Variants in ZKSCAN7 observed in about 807,000 individuals in gnomAD.
ZKSCAN7 encodes the protein zinc finger protein with KRAB and SCAN domains 7.
In ZKSCAN7, 38 loss-of-function variants were observed where a neutral mutation model predicts 65.3. The observed-to-expected ratio is 0.58, with a 90% CI of 0.45 to 0.76. The LOEUF is 0.76. Among genes scored for constraint, ZKSCAN7 ranks in the 30% least tolerant of loss-of-function variants. ZKSCAN7 has a pLI of 0.00. For missense variants in ZKSCAN7, 815 were observed against 913.3 expected (o/e 0.89, Z 1.39); for synonymous variants, 321 against 321.0 (o/e 1.00, Z 0.00).
chr3:44,555,916 T>G (rs1421819649), intron 1 of ZKSCAN7, among the ~76,000 whole-genome samples: 2 of 152,232 alleles, frequency 1.3e-5, no homozygotes, highest in African/African-American at 4.8e-5. Flanking sequence ...TTCCCAATTA[T>G]GTGTGCCATG....
chr3:44,571,634 T>G lies in ZKSCAN7; in HGVS notation c.*259T>G. ...CTTTTAAATTTTAACTTTTAAAATC[T>G]ATTTCATTTCTTAGTTATGCATCTC... On this transcript the variant is annotated 3_prime_UTR_variant, in exon 6 of 6. Coordinates refer to ENST00000426540, the MANE Select transcript of ZKSCAN7 (RefSeq NM_001288590.2). The G allele has an allele frequency of 7.6e-7, 1 of 1,318,588 alleles. No individual in the cohort carries two copies. Among genetic ancestry groups the G allele is most frequent in the South Asian group, 1.9e-5 (1 of 51,800 alleles). 81.7% of individuals were successfully genotyped at this position (1,318,588 alleles called of 1,614,324 possible). A position where few individuals can be genotyped will look rare whatever the true frequency, so the allele number is the denominator to read the frequency against.
At chr3:44,558,662 G>A (rs1011664002) in intron 2 of ZKSCAN7, among the ~76,000 whole-genome samples, 2 of 152,144 alleles carry the variant, frequency 1.3e-5, no homozygotes, top group Non-Finnish European at 2.9e-5. Context: ...ACAAGCTGAA[G>A]CTGCAGTGCA....
downstream of ZKSCAN7, among the ~76,000 whole-genome samples, chr3:44,574,138 G>A (rs1699879479): frequency 6.6e-6 from 1 of 152,036 alleles, no homozygotes; most frequent in South Asian, 2.1e-4. Context: ...TGGAGACAGG[G>A]TCTCACTTTC....
At chr3:44,567,456 A>G (rs1195755140) in intron 3 of ZKSCAN7, among the ~76,000 whole-genome samples, 2 of 152,188 alleles carry the variant, frequency 1.3e-5, no homozygotes, top group African/African-American at 4.8e-5. Context: ...GGGGTCTAGG[A>G]GAGAAGTAAG....
At chr3:44,569,845 A>T in intron 5 of ZKSCAN7, 77 bp from the exon 6 acceptor site, 1 of 1,455,930 alleles carries the variant, frequency 6.9e-7, no homozygotes, top group African/African-American at 1.4e-5. Flanking sequence ...TTTTTCAGGT[A>T]TGTTAGCTCT....
chr3:44,571,439 C>T lies in ZKSCAN7; in HGVS notation c.*64C>T, dbSNP rs1490266281. 1 of 1,603,696 alleles carries T rather than the reference C, an allele frequency of 6.2e-7. No individual in the cohort carries two copies. The highest frequency in any genetic ancestry group is 2.2e-5 in the East Asian group (1 of 44,868). On this transcript the variant is annotated 3_prime_UTR_variant, in exon 6 of 6. Transcript: ENST00000426540. ...TTAAGCTGTCTTTATAAGCAGGATG[C>T]TCATAGTGGTTTCCCGGAGCCAGTA...
chr3:44,562,015 T>G (rs1195561190), intron 2 of ZKSCAN7, among the ~76,000 whole-genome samples: 2 of 152,224 alleles, frequency 1.3e-5, no homozygotes, highest in African/African-American at 2.4e-5. Context: ...CAAGACTGTG[T>G]GGGGGCTCCA....
At chr3:44,564,234 C>G (rs1334350632) in intron 2 of ZKSCAN7, among the ~76,000 whole-genome samples, 1 of 152,150 alleles carries the variant, frequency 6.6e-6, no homozygotes, top group African/African-American at 2.4e-5. Context: ...AATAAAATGT[C>G]TATGTTCTGA....
rs746259717 is a variant in ZKSCAN7, at chr3:44,570,312, A to T, written c.1202A>T (p.His401Leu). ...AFNRSSHLIGHQRIHTGEKPY... is the reference protein window; with the variant it reads ...AFNRSSHLIGLQRIHTGEKPY... ...AATCGGAGTTCTCACCTTATTGGCC[A>T]TCAGAGAATCCACACTGGAGAGAAA... The change falls in exon 6 of 6, where the codon CAT becomes CTT. Residue 401 changes from histidine to leucine, a missense_variant. By Grantham distance (99) the His-to-Leu change is moderately conservative. This residue lies in a region of ZKSCAN7 where 578 missense variants were observed against 629.5 expected (regional missense o/e 0.92). Coordinates refer to ENST00000426540, the MANE Select transcript of ZKSCAN7 (RefSeq NM_001288590.2). 1.2e-6 allele frequency: 2 copies of T among 1,614,230 alleles called. No homozygotes were observed. The highest frequency in any genetic ancestry group is 2.2e-5 in the South Asian group (2 of 91,086).
downstream of ZKSCAN7, among the ~76,000 whole-genome samples, chr3:44,574,778 A>G (rs1699891034): frequency 6.6e-6 from 1 of 151,782 alleles, no homozygotes; most frequent in Admixed American, 6.6e-5. Context: ...AAAAATATAA[A>G]AATTGGCCAG....
rs144800158 is a variant in ZKSCAN7, at chr3:44,570,794, C to T, written c.1684C>T (p.Arg562Trp). Residue 562 changes from arginine (R) to tryptophan (W), a missense_variant, in exon 6 of 6, where the codon CGG becomes TGG. By Grantham distance (101) the Arg-to-Trp change is moderately radical. Transcript: ENST00000426540. ...TAGTGAATGTGGCAAAGCCTTCAGT[C>T]GGAGTAAATGTCTTATTCGACATCA... ...ECSECGKAFS[R>W]SKCLIRHQSL... The T allele has an allele frequency of 3.9e-4, 636 of 1,614,024 alleles. No individual in the cohort carries two copies. The highest frequency in any genetic ancestry group is 4.7e-4 in the Non-Finnish European group (549 of 1,180,042).
chr3:44,558,174 GGT>G (rs113889875), intron 2 of ZKSCAN7, among the ~76,000 whole-genome samples: 244 of 148,108 alleles, frequency 1.6e-3, no homozygotes, highest in African/African-American at 2.5e-3. Flanking sequence ...AGGAGAGAGG[GGT>G]GTGTGTGTGT....
rs954073881 is a variant in ZKSCAN7 at position 44,579,958 on chromosome 3, C to T, written c.812-3014C>T. 77 of 1,492,760 alleles carry T rather than the reference C, an allele frequency of 5.2e-5. No individual in the cohort carries two copies. In the East Asian group the frequency reaches 1.2e-3, roughly 23 times the overall value. The allele number at this position is 1,492,760 out of a possible 1,614,324, so 92.5% of individuals were successfully genotyped here. The stretch of plus-strand genomic sequence containing the variant: ...GGTGTGGAGACGGGGGAAGCCGAGG[C>T]GTCTGGGAGAGGAGCTTGGGGGGGG... On this transcript the variant is annotated intron_variant, in intron 5 of 5. Transcript: ENST00000341840.
chr3:44,573,583 G>T (rs1214164170), downstream of ZKSCAN7, among the ~76,000 whole-genome samples: 1 of 152,156 alleles, frequency 6.6e-6, no homozygotes, highest in African/African-American at 2.4e-5. Context: ...TATTTAGTAT[G>T]TGTTTCCATT....
chr3:44,567,889 C>T (rs199617208), intron 3 of ZKSCAN7, 23 bp from the exon 4 acceptor site: 2 of 707,300 alleles, frequency 2.8e-6, no homozygotes, highest in Non-Finnish European at 4.8e-6. Flanking sequence ...TTGTCCCACT[C>T]ATAGCTTTCT....
rs1301456177 is a variant in ZKSCAN7 at position 44,557,429 on chromosome 3, G to T, written c.382G>T (p.Val128Leu). The change falls in exon 2 of 6, where the codon GTG becomes TTG. Residue 128 changes from valine to leucine, a missense_variant. By Grantham distance (32) the Val-to-Leu change is conservative (BLOSUM62 1). Transcript: ENST00000426540. Reference sequence around the variant, plus strand: ...TGAGAGTGGTGAGGAGGCTGTGGCTGTGGTGGAGGATTTCCAGAGACACCT... The same window carrying T: ...TGAGAGTGGTGAGGAGGCTGTGGCTTTGGTGGAGGATTTCCAGAGACACCT... ...HPESGEEAVAVVEDFQRHLSG... is the reference protein window; with the variant it reads ...HPESGEEAVALVEDFQRHLSG... The T allele has an allele frequency of 6.2e-7, 1 of 1,614,238 alleles. No individual in the cohort carries two copies. The highest frequency in any genetic ancestry group is 1.1e-5 in the South Asian group (1 of 91,088).
intron 5 of ZKSCAN7, among the ~76,000 whole-genome samples, chr3:44,581,251 G>A (rs945575576): frequency 2.0e-4 from 29 of 148,452 alleles, no homozygotes; most frequent in Admixed American, 6.0e-4. Flanking sequence ...CCGCCCAGCC[G>A]CCGTGGGCCC....
chr3:44,582,017 G>A (rs927802149), intron 5 of ZKSCAN7, among the ~76,000 whole-genome samples: 2 of 152,150 alleles, frequency 1.3e-5, no homozygotes, highest in Non-Finnish European at 2.9e-5. Flanking sequence ...GCACATGGTG[G>A]CACTATAAAA....
At position 44,555,220 on chromosome 3, in the gene ZKSCAN7, C is replaced by T. The variant is rs1439845175; in HGVS notation, c.-380C>T. 2 of 152,250 alleles carry T rather than the reference C, an allele frequency of 1.3e-5. No homozygotes were observed. Among genetic ancestry groups the T allele is most frequent in the East Asian group, 1.9e-4 (1 of 5,192 alleles). The allele number at this position is 152,250 out of a possible 1,614,324, so 9.4% of individuals were successfully genotyped here. A position where few individuals can be genotyped will look rare whatever the true frequency, so the allele number is the denominator to read the frequency against. ...TTCCGGCTCGGCCATTGTTTTTGGT[C>T]TAACGGGCAGTAGAGTGTCCGGCTT... On this transcript the variant is annotated 5_prime_UTR_variant, in exon 1 of 6. Coordinates refer to ENST00000426540, the MANE Select transcript of ZKSCAN7 (RefSeq NM_001288590.2).
Sources: allele counts gnomAD v4.1 joint callset (sites outside exome capture counted in the v4.1 genomes callset), GRCh38; gene constraint gnomAD v4.1.1; regional missense constraint gnomAD v4.1.1; transcripts MANE v1.5; gene names NCBI Gene and HGNC (gene_info 2026-07-23, HGNC 2026-07-21).